POLK: variants seen among roughly 807,000 people sequenced by gnomAD.
POLK encodes the protein DNA polymerase kappa.
A neutral mutation model predicts 94.0 loss-of-function variants in POLK; 76 were observed. The observed-to-expected ratio is 0.81, with a 90% CI of 0.67 to 0.98. The LOEUF is 0.98. Ranked by LOEUF, POLK falls within the 50% of genes least tolerant of loss-of-function variation. POLK has a pLI of 0.00. For missense variants in POLK, 954 were observed against 1,010.1 expected, an observed-to-expected ratio of 0.94 and a Z score of 0.75; for synonymous variants, 349 against 325.4, an observed-to-expected ratio of 1.07 and a Z score of -0.78.
At chr5:75,607,382 C>T in the POLK span, among the ~76,000 whole-genome samples, 5 of 151,338 alleles carry the variant, frequency 3.3e-5, no homozygotes, top group African/African-American at 1.2e-4. Context: ...GCAAGAGAAT[C>T]GCTTGAACCC....
At chr5:75,577,658 T>C (rs1035503539) in intron 6 of POLK, among the ~76,000 whole-genome samples, 1 of 152,192 alleles carries the variant, frequency 6.6e-6, no homozygotes, top group Non-Finnish European at 1.5e-5. Context: ...GAACATTTCA[T>C]GTGCACCACT....
intron 1 of POLK, among the ~76,000 whole-genome samples, chr5:75,530,396 C>CTTTTTTTTTTTTTTTTTTTT (rs201266079): frequency 6.5e-5 from 4 of 61,624 alleles, no homozygotes; most frequent in African/African-American, 6.7e-5. Context: ...TTCCCTTTTT[C>CTTTTTTTTTTTTTTTTTTTT]TTTTTTTTTT....
the POLK span, among the ~76,000 whole-genome samples, chr5:75,608,026 T>G: frequency 3.9e-5 from 6 of 152,154 alleles, no homozygotes; most frequent in African/African-American, 1.4e-4. Context: ...TACTTCAGAA[T>G]TGAACATATT....
chr5:75,563,535 G>A (rs58900885), intron 3 of POLK, among the ~76,000 whole-genome samples: 3,890 of 152,192 alleles, frequency 0.026, 147 homozygotes, highest in African/African-American at 0.084. Flanking sequence ...TGGGCATTTA[G>A]TGCTATAAAT....
At chr5:75,544,991 C>A (rs1047451323) in intron 1 of POLK, among the ~76,000 whole-genome samples, 8 of 152,150 alleles carry the variant, frequency 5.3e-5, no homozygotes, top group Non-Finnish European at 7.3e-5. Flanking sequence ...TTGGAATTAC[C>A]TGGGCATCTC....
chr5:75,551,559 A>C lies in POLK; in HGVS notation c.136-913A>C, dbSNP rs377739505. 3.3e-5 allele frequency among the ~76,000 whole-genome samples: 5 copies of C among 152,346 alleles called. No homozygotes were observed. In the South Asian group the frequency reaches 1.0e-3, roughly 32 times the overall value. On this transcript the variant is annotated intron_variant, in intron 2 of 14. Transcript: ENST00000241436. ...ATCAAAAAATGGTCAAAAGATGTGA[A>C]TAGACATTTCAGTAAAGAAGATATA...
intron 12 of POLK, among the ~76,000 whole-genome samples, chr5:75,595,105 A>C (rs1298762054): frequency 6.6e-6 from 1 of 152,108 alleles, no homozygotes; most frequent in African/African-American, 2.4e-5. Context: ...ACAAAAAATT[A>C]GCTGGACATG....
chr5:75,537,915 G>C (rs1769532937), intron 1 of POLK, among the ~76,000 whole-genome samples: 1 of 151,574 alleles, frequency 6.6e-6, no homozygotes, highest in South Asian at 2.1e-4. Context: ...GGAGTGCACT[G>C]GCGCAATCTC....
chr5:75,556,172 T>C (rs758108673), intron 3 of POLK, among the ~76,000 whole-genome samples: 12 of 152,210 alleles, frequency 7.9e-5, no homozygotes, highest in African/African-American at 1.7e-4. Context: ...ATTGCCCTCA[T>C]TTGGTGTTGT....
At chr5:75,541,084 G>C (rs2112609782) in intron 1 of POLK, among the ~76,000 whole-genome samples, 2 of 152,216 alleles carry the variant, frequency 1.3e-5, no homozygotes, top group South Asian at 4.1e-4. Context: ...AGGAGTTTGA[G>C]ATCAGCCTGA....
At chr5:75,580,867 C>CTT (rs562476434) in intron 6 of POLK, among the ~76,000 whole-genome samples, 5 of 139,116 alleles carry the variant, frequency 3.6e-5, no homozygotes, top group East Asian at 2.1e-4. Flanking sequence ...AAAAGATTTC[C>CTT]TTTTTTTTTT....
chr5:75,568,832 G>C (rs1178443973), intron 3 of POLK: 1 of 193,434 alleles, frequency 5.2e-6, no homozygotes, highest in African/African-American at 2.4e-5. Flanking sequence ...GCTTTTTTAA[G>C]ACATTATTAT....
chr5:75,519,644 T>C (rs1768477404), intron 1 of POLK, among the ~76,000 whole-genome samples: 1 of 152,214 alleles, frequency 6.6e-6, no homozygotes, highest in South Asian at 2.1e-4. Context: ...TCTTGCTCAC[T>C]TTTTGGAGTC....
intron 7 of POLK, chr5:75,582,097 G>A (rs982219358): frequency 4.6e-5 from 45 of 986,012 alleles, no homozygotes; most frequent in Admixed American, 6.1e-5. Context: ...AGATTACATT[G>A]CAGGAGAGAA....
At chr5:75,534,340 G>A (rs1292250341) in intron 1 of POLK, among the ~76,000 whole-genome samples, 1 of 151,968 alleles carries the variant, frequency 6.6e-6, no homozygotes, top group African/African-American at 2.4e-5. Context: ...TCTGCAAACA[G>A]GGATAGACTG....
At chr5:75,586,366 G>T (rs150049296) in intron 9 of POLK, among the ~76,000 whole-genome samples, 3 of 152,032 alleles carry the variant, frequency 2.0e-5, no homozygotes, top group Non-Finnish European at 1.5e-5. Context: ...CAAGTACTTG[G>T]TCTATTTCCT....
intron 12 of POLK, among the ~76,000 whole-genome samples, chr5:75,594,449 T>C (rs1323741296): frequency 6.6e-6 from 1 of 152,224 alleles, no homozygotes; most frequent in Non-Finnish European, 1.5e-5. Flanking sequence ...ATTAGTTTAA[T>C]TCCAGTAAGG....
At chr5:75,567,781 G>T (rs768479570) in intron 3 of POLK, among the ~76,000 whole-genome samples, 1 of 152,182 alleles carries the variant, frequency 6.6e-6, no homozygotes, top group Non-Finnish European at 1.5e-5. Flanking sequence ...ATCCTTGAAG[G>T]CTTGTGACAG....
the POLK span, among the ~76,000 whole-genome samples, chr5:75,608,380 G>A: frequency 3.9e-5 from 6 of 152,214 alleles, no homozygotes; most frequent in Middle Eastern, 0.02. Flanking sequence ...TTTTTGTGGA[G>A]ACTGGAGTCT....
Sources: allele counts gnomAD v4.1 joint callset (sites outside exome capture counted in the v4.1 genomes callset), GRCh38; gene constraint gnomAD v4.1.1; transcripts MANE v1.5; gene names NCBI Gene and HGNC (gene_info 2026-07-23, HGNC 2026-07-21).